The following COL25A1 variants were observed in gnomAD, a reference collection of about 807,000 sequenced individuals.
The protein encoded by COL25A1 is collagen alpha-1(XXV) chain.
COL25A1 carries 103 observed loss-of-function variants against 128.4 expected under a neutral mutation model. The observed-to-expected ratio is 0.80, with a 90% CI of 0.68 to 0.94. The LOEUF (loss-of-function observed/expected upper bound fraction) is 0.94. Among genes scored for constraint, COL25A1 ranks in the 40% least tolerant of loss-of-function variants. The probability of loss-of-function intolerance (pLI) is 0.00; values close to 1 mark genes in which losing one functional copy is unlikely to be tolerated. For synonymous variants in COL25A1, 279 were observed against 277.2 expected, an observed-to-expected ratio of 1.01 and a Z score of -0.06; for missense variants, 745 against 840.0, an observed-to-expected ratio of 0.89 and a Z score of 1.40.
intron 5 of COL25A1, among the ~76,000 whole-genome samples, chr4:109,014,799 G>T (rs917897554): frequency 6.6e-6 from 1 of 152,194 alleles, no homozygotes; most frequent in African/African-American, 2.4e-5. Context: ...GGAAGTGGTT[G>T]ATAGAGACGC....
chr4:108,838,706 G>A (rs1351150958), intron 31 of COL25A1, among the ~76,000 whole-genome samples: 1 of 152,152 alleles, frequency 6.6e-6, no homozygotes, highest in Non-Finnish European at 1.5e-5. Context: ...CCCTTGCCAA[G>A]TCAGATCCCT....
At chr4:108,974,048 A>G (rs1290098115) in intron 8 of COL25A1, among the ~76,000 whole-genome samples, 1 of 152,230 alleles carries the variant, frequency 6.6e-6, no homozygotes, top group Non-Finnish European at 1.5e-5. Flanking sequence ...TATGTTGTGA[A>G]ACAATTCATG....
In COL25A1 at chr4:109,208,483, TA is replaced by T. The variant is rs199675745; in HGVS notation, c.367+92099del. The stretch of plus-strand genomic sequence containing the variant: ...TTCCAAGAAAGAAGATATCAGTTAA[TA>T]AAAAAAAAAAAAACAAATTATTAAA... On this transcript the variant is annotated intron_variant, in intron 3 of 37. Coordinates refer to ENST00000399132, the MANE Select transcript of COL25A1 (RefSeq NM_198721.4). Among the ~76,000 whole-genome samples the T allele has an allele frequency of 9.1e-3, 1,252 of 138,288 alleles. 21 individuals are homozygous for T. Among genetic ancestry groups the T allele is most frequent in the African/African-American group, 0.03 (1,098 of 36,656 alleles). 90.7% of individuals were successfully genotyped at this position (138,288 alleles called of 152,430 possible).
At chr4:108,855,197 T>TG (rs1553951526) in intron 24 of COL25A1, among the ~76,000 whole-genome samples, 4 of 145,820 alleles carry the variant, frequency 2.7e-5, no homozygotes, top group African/African-American at 1.0e-4. Context: ...TACTGTTTTT[T>TG]TTTTTTATTT....
At chr4:108,816,951 G>T (rs138618731) in intron 37 of COL25A1, among the ~76,000 whole-genome samples, 162 of 152,208 alleles carry the variant, frequency 1.1e-3, no homozygotes, top group African/African-American at 3.6e-3. Context: ...TCCTACATAA[G>T]TCAAGACATC....
chr4:108,942,244 C>T, intron 8 of COL25A1: 1 of 1,550,284 alleles, frequency 6.5e-7, no homozygotes, highest in Non-Finnish European at 8.7e-7. Context: ...TGCAGGGCAG[C>T]AACTGTGGGG....
At chr4:109,244,132 T>C (rs1449242215) in intron 3 of COL25A1, among the ~76,000 whole-genome samples, 1 of 134,272 alleles carries the variant, frequency 7.4e-6, no homozygotes, top group African/African-American at 3.0e-5. Flanking sequence ...TAAAGAGAAA[T>C]AGAAAGAAAG....
At chr4:108,938,793 G>A (rs1393835044) in intron 10 of COL25A1, among the ~76,000 whole-genome samples, 1 of 152,038 alleles carries the variant, frequency 6.6e-6, no homozygotes, top group Non-Finnish European at 1.5e-5. Context: ...GGAGGCAGAG[G>A]TTGCAGTGAG....
chr4:109,109,335 G>A (rs1037103846), intron 3 of COL25A1, among the ~76,000 whole-genome samples: 4 of 152,148 alleles, frequency 2.6e-5, no homozygotes, highest in African/African-American at 7.2e-5. Flanking sequence ...CAACAAATAA[G>A]TTTCCAAAGC....
chr4:108,981,235 C>A (rs373242866), intron 6 of COL25A1, among the ~76,000 whole-genome samples: 33 of 152,150 alleles, frequency 2.2e-4, no homozygotes, highest in African/African-American at 7.2e-4. Context: ...TTATGTAGTA[C>A]AGGTTTACCT....
intron 20 of COL25A1, among the ~76,000 whole-genome samples, chr4:108,868,676 AAAGGGAAGGGAAGCGAAGGG>A (rs1292318732): frequency 2.0e-5 from 3 of 148,328 alleles, no homozygotes; most frequent in South Asian, 4.4e-4. Context: ...AAGGGGAAGG[AAAGGGAAGGGAAGCGAAGGG>A]AAGGAAGAAA....
intron 11 of COL25A1, among the ~76,000 whole-genome samples, chr4:108,936,289 T>C (rs940520168): frequency 6.6e-6 from 1 of 152,112 alleles, no homozygotes; most frequent in Admixed American, 6.5e-5. Flanking sequence ...ATTATCTGTA[T>C]TGGGCACGGT....
At chr4:109,199,270 C>G (rs1776362008) in intron 3 of COL25A1, among the ~76,000 whole-genome samples, 1 of 152,166 alleles carries the variant, frequency 6.6e-6, no homozygotes, top group Non-Finnish European at 1.5e-5. Flanking sequence ...GTCTTTATCA[C>G]CACGATGTGT....
chr4:109,013,344 C>T (rs578186650), intron 5 of COL25A1, among the ~76,000 whole-genome samples: 2 of 51,986 alleles, frequency 3.8e-5, no homozygotes, highest in Non-Finnish European at 3.0e-5. Context: ...GGATTGTAAA[C>T]GCACCAATCA....
rs935575490 is a variant in COL25A1 at position 108,843,050 on chromosome 4, G to T, written c.1630-1329C>A. Among the ~76,000 whole-genome samples, 64 of 150,778 alleles carry T rather than the reference G, an allele frequency of 4.2e-4. 1 individual carries two copies. The highest frequency in any genetic ancestry group is 8.8e-5 in the Non-Finnish European group (6 of 67,806). The stretch of plus-strand genomic sequence containing the variant: ...TGTTGTCCCAGCTACTCAGGAGGCT[G>T]ATGTGGGAAGATCACCTGAGCCTAG... On this transcript the variant is annotated intron_variant, in intron 30 of 37. Transcript: ENST00000399132.
intron 3 of COL25A1, among the ~76,000 whole-genome samples, chr4:109,293,934 A>T (rs1246540825): frequency 6.6e-6 from 1 of 152,096 alleles, no homozygotes; most frequent in African/African-American, 2.4e-5. Context: ...CATTTAGTTC[A>T]TTTATTCTAT....
intron 3 of COL25A1, among the ~76,000 whole-genome samples, chr4:109,104,202 G>T (rs1200230969): frequency 1.3e-5 from 2 of 151,808 alleles, no homozygotes; most frequent in East Asian, 3.9e-4. Context: ...TTGAGACCCT[G>T]TCTCATTAAA....
intron 3 of COL25A1, among the ~76,000 whole-genome samples, chr4:109,181,930 TGTAA>T (rs921280062): frequency 2.6e-5 from 4 of 152,116 alleles, no homozygotes; most frequent in Non-Finnish European, 5.9e-5. Context: ...AGATTCGACA[TGTAA>T]GTGAGATCAC....
intron 3 of COL25A1, among the ~76,000 whole-genome samples, chr4:109,090,262 C>A (rs72670343): frequency 6.6e-6 from 1 of 152,096 alleles, no homozygotes; most frequent in African/African-American, 2.4e-5. Context: ...CTTTAGCAAA[C>A]CTTTGCTAAT....
Sources: gnomAD v4.1 joint callset for allele counts (sites outside exome capture counted in the v4.1 genomes callset) on GRCh38, gnomAD v4.1.1 for gene constraint, MANE v1.5 for transcripts, NCBI Gene and HGNC (gene_info 2026-07-23, HGNC 2026-07-21) for gene names.